The following POLR1A variants were observed in gnomAD, a reference collection of about 807,000 sequenced individuals.
POLR1A encodes RNA polymerase I subunit A, also known as DNA-directed RNA polymerase I subunit RPA1.
POLR1A carries 84 observed loss-of-function variants against 205.3 expected under a neutral mutation model. The ratio of observed to expected loss-of-function variants is 0.41; its 90% CI spans 0.34 to 0.49. POLR1A has a LOEUF of 0.49. POLR1A is among the 20% of genes least tolerant of loss of function. The pLI is 0.22. For missense variants in POLR1A, 1,645 were observed against 2,204.5 expected, an observed-to-expected ratio of 0.75 and a Z score of 5.08; for synonymous variants, 799 against 863.7, an observed-to-expected ratio of 0.93 and a Z score of 1.31.
chr2:86,088,450 T>G, intron 6 of POLR1A, 116 bp downstream of exon 6: 1 of 696,092 alleles, frequency 1.4e-6, no homozygotes, highest in Non-Finnish European at 2.5e-6. Flanking sequence ...GTGCCTCTGC[T>G]GGCCCCTCCC....
At chr2:86,079,828 C>T (rs1468588590) in intron 9 of POLR1A, among the ~76,000 whole-genome samples, 1 of 152,156 alleles carries the variant, frequency 6.6e-6, no homozygotes, top group Non-Finnish European at 1.5e-5. Context: ...TCCCAAAGTG[C>T]TGGGATTACA....
chr2:86,086,102 A>AG (rs1673500235), intron 6 of POLR1A, among the ~76,000 whole-genome samples: 1 of 151,566 alleles, frequency 6.6e-6, no homozygotes, highest in African/African-American at 2.4e-5. Flanking sequence ...CTTGTTGCCC[A>AG]GGCTGGAGTG....
At position 86,078,245 on chromosome 2, in the gene POLR1A, T is replaced by C. The variant is rs781009994; in HGVS notation, c.1126A>G (p.Ser376Gly). 3.8e-6 allele frequency: 6 copies of C among 1,599,312 alleles called. No homozygotes were observed. In the Admixed American group the frequency reaches 1.1e-4, roughly 29 times the overall value. Residue 376 changes from serine to glycine, a missense_variant, in exon 10 of 34, where the codon AGT becomes GGT. Ser to Gly is a moderately conservative substitution (Grantham distance 56). Transcript: ENST00000263857. The part of the protein sequence containing the change: ...SLIAIDRSFL[S>G]TLPGQSLIDK... The stretch of plus-strand genomic sequence containing the variant: ...ATGAGGGACTGGCCTGGAAGTGTAC[T>C]CAAAAAGGATCGGTCAATAGCAATC...
At chr2:86,030,702 C>T (rs749627020) in intron 30 of POLR1A, among the ~76,000 whole-genome samples, 4 of 152,212 alleles carry the variant, frequency 2.6e-5, no homozygotes, top group African/African-American at 7.2e-5. Flanking sequence ...GCAGGGTACA[C>T]GTTGTTTCAC....
chr2:86,053,431 C>T (rs1424901740), intron 15 of POLR1A, among the ~76,000 whole-genome samples: 1 of 152,168 alleles, frequency 6.6e-6, no homozygotes, highest in Non-Finnish European at 1.5e-5. Context: ...CGTAACTGTG[C>T]CTCTGGCCTA....
At chr2:86,053,590 A>T (rs1439210087) in intron 15 of POLR1A, among the ~76,000 whole-genome samples, 1 of 152,224 alleles carries the variant, frequency 6.6e-6, no homozygotes, top group Admixed American at 6.5e-5. Flanking sequence ...AGCACCCATG[A>T]AGCATATGGT....
rs1039629243 is a variant in POLR1A, at chr2:86,077,711, C to T, written c.1380+148G>A. On this transcript the variant is annotated intron_variant, in intron 11 of 33. Transcript: ENST00000263857. ...TCCAGGAAGAGGCAGAAGCTAGTTC[C>T]GCCCAAGCCAGAATAATCTGCTGCA... is the stretch of plus-strand genomic sequence containing the variant. The T allele has an allele frequency of 2.3e-5, 22 of 948,476 alleles. No individual in the cohort carries two copies. In the South Asian group the frequency reaches 2.6e-4, roughly 11 times the overall value. The allele number at this position is 948,476 out of a possible 1,614,324, so 58.8% of individuals were successfully genotyped here. A position where few individuals can be genotyped will look rare whatever the true frequency, so the allele number is the denominator to read the frequency against.
intron 16 of POLR1A, among the ~76,000 whole-genome samples, chr2:86,050,493 G>A (rs1180922917): frequency 6.6e-6 from 1 of 152,146 alleles, no homozygotes; most frequent in Non-Finnish European, 1.5e-5. Context: ...CCCGCTAGCT[G>A]AGACGGGCTG....
chr2:86,077,547 G>C (rs1244848104), intron 11 of POLR1A, among the ~76,000 whole-genome samples: 1 of 152,192 alleles, frequency 6.6e-6, no homozygotes, highest in Non-Finnish European at 1.5e-5. Context: ...GTGGGCAGGA[G>C]GAAGCTATGC....
chr2:86,033,541 T>C, intron 28 of POLR1A, 120 bp downstream of exon 28: 1 of 1,121,964 alleles, frequency 8.9e-7, no homozygotes, highest in East Asian at 2.5e-5. Context: ...AAAGCTGAGA[T>C]AGGTAGGAGA....
At chr2:86,093,607 C>T (rs985431235) in intron 3 of POLR1A, among the ~76,000 whole-genome samples, 2 of 152,118 alleles carry the variant, frequency 1.3e-5, no homozygotes, top group Admixed American at 1.3e-4. Context: ...CCAGGTGGAT[C>T]GCTTGAGGTC....
rs1365610689 is a variant in POLR1A, at chr2:86,028,446, G to A, written c.4897+148C>T. On this transcript the variant is annotated intron_variant, in intron 32 of 33. Transcript: ENST00000263857. The surrounding 1 kb of genome is among the most constrained non-coding windows in gnomAD (Gnocchi z 4.5). The stretch of plus-strand genomic sequence containing the variant: ...TTCACAGATCTGCAGTCTCCTACAG[G>A]TGCACTCACTGCACGCATGCTGCAG... 10 of 690,180 alleles carry A rather than the reference G, an allele frequency of 1.4e-5. No individual in the cohort carries two copies. The highest frequency in any genetic ancestry group is 2.1e-5 in the Non-Finnish European group (8 of 374,314). 42.8% of individuals were successfully genotyped at this position (690,180 alleles called of 1,614,324 possible).
Position 86,066,293 on chromosome 2 carries a change from G to T in POLR1A, c.1867-828C>A, listed in dbSNP as rs918857. Among the ~76,000 whole-genome samples, 145 of 152,108 alleles carry T rather than the reference G, an allele frequency of 9.5e-4. 2 individuals are homozygous for T. In the East Asian group the frequency reaches 0.026, roughly 28 times the overall value. On this transcript the variant is annotated intron_variant, in intron 13 of 33. Coordinates refer to ENST00000263857, the MANE Select transcript of POLR1A (RefSeq NM_015425.6). ...GTTATCTCTTCACAACACAGCACAG[G>T]GTTCATGGTGGGCCCTTAATAAAGG...
At position 86,065,357 on chromosome 2, in the gene POLR1A, G is replaced by A. The variant is rs747621114; in HGVS notation, c.1975C>T (p.Arg659Ter). ...TREHYMELVYRGLTDKVGRVK... is the reference protein window; with the variant it reads ...TREHYMELVY ...CGCCCCACTTTGTCCGTGAGTCCTC[G>A]GTACACCAGCTCCATATAGTGCTCC... The change falls in exon 14 of 34, where the codon CGA becomes TGA. Residue 659 changes from arginine to a stop codon, truncating the protein, a stop_gained. Transcript: ENST00000263857. LOFTEE classifies it high-confidence loss of function. 2 of 1,614,106 alleles carry A rather than the reference G, an allele frequency of 1.2e-6. No individual in the cohort carries two copies. The highest frequency in any genetic ancestry group is 1.1e-5 in the South Asian group (1 of 91,076).
In POLR1A at chr2:86,028,904, C is replaced by T. The variant is rs529221749; in HGVS notation, c.4780-193G>A. The T allele has an allele frequency of 3.8e-5, 22 of 575,940 alleles. No homozygotes were observed. The highest frequency in any genetic ancestry group is 1.5e-4 in the African/African-American group (8 of 53,774). The allele number at this position is 575,940 out of a possible 1,614,324, so 35.7% of individuals were successfully genotyped here. ...GCAGAGCTGCTGACGGCTCGCTGGCCGGGGCCCAAGGTCTGTATCGTCATT... is the reference window on the plus strand; with the variant it reads ...GCAGAGCTGCTGACGGCTCGCTGGCTGGGGCCCAAGGTCTGTATCGTCATT... On this transcript the variant is annotated intron_variant, in intron 31 of 33. Transcript: ENST00000263857. This position sits in a 1 kb window ranked among gnomAD's most constrained non-coding sequence, Gnocchi z 4.5.
At chr2:86,075,373 T>C in intron 11 of POLR1A, 113 bp from the exon 12 acceptor site, 5 of 754,052 alleles carry the variant, frequency 6.6e-6, no homozygotes, top group Non-Finnish European at 1.1e-5. Context: ...AGGAGCTGTT[T>C]GACTTGGCCA....
At chr2:86,095,600 A>G (rs1467930892) in intron 3 of POLR1A, among the ~76,000 whole-genome samples, 1 of 152,240 alleles carries the variant, frequency 6.6e-6, no homozygotes, top group East Asian at 1.9e-4. Flanking sequence ...TCTCTTTACA[A>G]TAGAGATCTG....
At chr2:86,105,602 TCAAGAGGATAGACTGGG>T in intron 1 of POLR1A, 81 bp downstream of exon 1, 1 of 760,732 alleles carries the variant, frequency 1.3e-6, no homozygotes, top group Non-Finnish European at 2.3e-6. Flanking sequence ...AAGCCTGGAC[TCAAGAGGATAGACTGGG>T]CAAAAGCGCT....
Position 86,070,117 on chromosome 2 carries a change from A to G in POLR1A, c.1767T>C (p.Phe589=). 1 of 1,614,200 alleles carries G rather than the reference A, an allele frequency of 6.2e-7. No homozygotes were observed. Among genetic ancestry groups the G allele is most frequent in the Admixed American group, 1.7e-5 (1 of 60,024 alleles). Residue 589 remains phenylalanine, a synonymous_variant, in exon 13 of 34, where the codon TTT becomes TTC. Coordinates refer to ENST00000263857, the MANE Select transcript of POLR1A (RefSeq NM_015425.6). The surrounding 1 kb of genome is among the most constrained non-coding windows in gnomAD (Gnocchi z 4.4). ...AATGGGCATTCATCTCGTCTCCATCAAAGTCGGCATTATAGGCCTTGCAGT... is the reference window on the plus strand; with the variant it reads ...AATGGGCATTCATCTCGTCTCCATCGAAGTCGGCATTATAGGCCTTGCAGT... ...YANCKAYNAD[F]DGDEMNAHFP... is the part of the protein sequence containing the mutation.
Sources: allele counts gnomAD v4.1 joint callset (sites outside exome capture counted in the v4.1 genomes callset), GRCh38; gene constraint gnomAD v4.1.1; non-coding constraint Gnocchi (gnomAD v3.1); transcripts MANE v1.5; gene names NCBI Gene and HGNC (gene_info 2026-07-23, HGNC 2026-07-21).